The following DLGAP2 variants were observed in gnomAD, a reference collection of about 807,000 sequenced individuals.
DLGAP2 encodes the protein DLG associated protein 2.
In DLGAP2, 26 loss-of-function variants were observed where a neutral mutation model predicts 100.3. The ratio of observed to expected loss-of-function variants is 0.26; its 90% CI spans 0.19 to 0.36. The LOEUF (loss-of-function observed/expected upper bound fraction) is 0.36, where lower values mean the gene tolerates loss of function less well. Among genes scored for constraint, DLGAP2 ranks in the 10% least tolerant of loss-of-function variants. The pLI, the probability that DLGAP2 is intolerant of heterozygous loss-of-function variation, is 1.00. For missense variants in DLGAP2, 1,858 were observed against 1,453.2 expected, an observed-to-expected ratio of 1.28 and a Z score of -4.53; for synonymous variants, 886 against 630.1, an observed-to-expected ratio of 1.41 and a Z score of -6.08.
intron 5 of DLGAP2, among the ~76,000 whole-genome samples, chr8:1,550,346 A>G (rs994316363): frequency 1.3e-5 from 2 of 152,192 alleles, no homozygotes; most frequent in Admixed American, 1.3e-4. Context: ...GGCAGCTCTC[A>G]TGCGTGAGTC....
chr8:850,428 A>C (rs1275622010), intron 1 of DLGAP2, among the ~76,000 whole-genome samples: 1 of 152,238 alleles, frequency 6.6e-6, no homozygotes, highest in Non-Finnish European at 1.5e-5. Context: ...TAAGAAAAAA[A>C]ATCATCAAAT....
At chr8:1,039,916 G>C (rs1442758887) in intron 2 of DLGAP2, among the ~76,000 whole-genome samples, 1 of 149,568 alleles carries the variant, frequency 6.7e-6, no homozygotes, top group East Asian at 2.0e-4. Flanking sequence ...CGGTGTGCGT[G>C]GTCAGCTCGG....
chr8:1,159,917 C>T (rs1481903749), intron 2 of DLGAP2, among the ~76,000 whole-genome samples: 1 of 152,164 alleles, frequency 6.6e-6, no homozygotes, highest in Non-Finnish European at 1.5e-5. Flanking sequence ...GAATGCTGCT[C>T]CCACCTCCCT....
intron 2 of DLGAP2, among the ~76,000 whole-genome samples, chr8:986,716 A>G (rs138377464): frequency 5.0e-4 from 75 of 150,934 alleles, no homozygotes; most frequent in African/African-American, 1.7e-3. Flanking sequence ...CTGGAGTGCA[A>G]TGATGCAATC....
intron 1 of DLGAP2, among the ~76,000 whole-genome samples, chr8:847,621 C>G (rs144109083): frequency 3.5e-4 from 53 of 152,282 alleles, no homozygotes; most frequent in African/African-American, 1.2e-3. Context: ...GTTCTCCCAC[C>G]TCAGCCTCCA....
At chr8:1,220,525 A>T (rs948946512) in intron 2 of DLGAP2, among the ~76,000 whole-genome samples, 1 of 152,108 alleles carries the variant, frequency 6.6e-6, no homozygotes, top group Non-Finnish European at 1.5e-5. Flanking sequence ...ATGGCCAAGG[A>T]TGTTATCAAT....
At chr8:1,535,059 C>T (rs1801111468) in intron 4 of DLGAP2, among the ~76,000 whole-genome samples, 1 of 152,204 alleles carries the variant, frequency 6.6e-6, no homozygotes, top group South Asian at 2.1e-4. Flanking sequence ...AGGGCAGGCA[C>T]CCGGAGCCAC....
At chr8:1,215,241 T>C (rs1425848777) in intron 2 of DLGAP2, among the ~76,000 whole-genome samples, 6 of 152,206 alleles carry the variant, frequency 3.9e-5, no homozygotes, top group Non-Finnish European at 7.3e-5. Flanking sequence ...AATTTGTGAG[T>C]AGGAGAAGAG....
In DLGAP2 at chr8:1,549,381, C is replaced by T. The variant is rs766677070; in HGVS notation, c.928C>T (p.Arg310Trp). The change falls in exon 5 of 15, where the codon CGG (arginine) becomes TGG (tryptophan). Residue 310 changes from arginine to tryptophan, a missense_variant. Coordinates refer to ENST00000637795, the MANE Select transcript of DLGAP2 (RefSeq NM_001346810.2). ...DDNLDSDSTY[R>W]TPSVLNRHHL... ...CAACCTGGACAGCGACAGCACCTATCGGACGCCCAGCGTGCTCAACCGGCA... is the reference window on the plus strand; with the variant it reads ...CAACCTGGACAGCGACAGCACCTATTGGACGCCCAGCGTGCTCAACCGGCA... 4 of 1,613,496 alleles carry T rather than the reference C, an allele frequency of 2.5e-6. No homozygotes were observed. The highest frequency in any genetic ancestry group is 1.3e-5 in the African/African-American group (1 of 75,066).
chr8:1,328,442 C>A (rs1248302616), intron 3 of DLGAP2, among the ~76,000 whole-genome samples: 1 of 152,186 alleles, frequency 6.6e-6, no homozygotes, highest in Non-Finnish European at 1.5e-5. Flanking sequence ...CCTCAGCCTC[C>A]CGAGTAGCGG....
intron 2 of DLGAP2, among the ~76,000 whole-genome samples, chr8:962,346 A>G (rs908143062): frequency 1.3e-5 from 2 of 152,196 alleles, no homozygotes; most frequent in South Asian, 2.1e-4. Flanking sequence ...TACCCTCATC[A>G]GTGCCATCCG....
intron 4 of DLGAP2, among the ~76,000 whole-genome samples, chr8:1,506,663 A>T (rs1008888032): frequency 3.3e-5 from 5 of 152,216 alleles, no homozygotes; most frequent in African/African-American, 1.2e-4. Flanking sequence ...GGCCCCACCC[A>T]CATCCTGCTG....
chr8:1,519,857 G>T (rs1800526341), intron 4 of DLGAP2, among the ~76,000 whole-genome samples: 1 of 152,256 alleles, frequency 6.6e-6, no homozygotes, highest in Non-Finnish European at 1.5e-5. Context: ...GCTTCCTTTG[G>T]GGGCACAGAG....
At chr8:1,551,210 C>A (rs369495479) in intron 5 of DLGAP2, among the ~76,000 whole-genome samples, 31 of 152,296 alleles carry the variant, frequency 2.0e-4, no homozygotes, top group African/African-American at 7.2e-4. Flanking sequence ...TTTTGTTTGC[C>A]GTCGGCAAAC....
At chr8:906,253 A>C (rs1798378140) in intron 1 of DLGAP2, among the ~76,000 whole-genome samples, 1 of 152,244 alleles carries the variant, frequency 6.6e-6, no homozygotes, top group African/African-American at 2.4e-5. Flanking sequence ...ACGTTGGCAC[A>C]GAAAAGTATT....
intron 3 of DLGAP2, among the ~76,000 whole-genome samples, chr8:1,422,050 C>G (rs1042266093): frequency 6.6e-6 from 1 of 151,948 alleles, no homozygotes; most frequent in African/African-American, 2.4e-5. Flanking sequence ...GAGCATCTAA[C>G]ACACGCTAGG....
intron 2 of DLGAP2, among the ~76,000 whole-genome samples, chr8:967,266 G>T (rs1799894893): frequency 6.6e-6 from 1 of 152,162 alleles, no homozygotes; most frequent in South Asian, 2.1e-4. Flanking sequence ...CCTAAAGTTT[G>T]TTCTAGTTTG....
chr8:1,694,042 G>C (rs1379265504), intron 13 of DLGAP2, among the ~76,000 whole-genome samples: 1 of 152,200 alleles, frequency 6.6e-6, no homozygotes, highest in African/African-American at 2.4e-5. Context: ...TGCATATTCA[G>C]ACCTGCTAAA....
chr8:1,372,620 C>T (rs950385774), intron 3 of DLGAP2, among the ~76,000 whole-genome samples: 5 of 152,130 alleles, frequency 3.3e-5, no homozygotes, highest in South Asian at 2.1e-4. Flanking sequence ...GACTTTAAGC[C>T]GCTCTCCAGA....
Sources: allele counts gnomAD v4.1 joint callset (sites outside exome capture counted in the v4.1 genomes callset), GRCh38; gene constraint gnomAD v4.1.1; transcripts MANE v1.5; gene names NCBI Gene and HGNC (gene_info 2026-07-23, HGNC 2026-07-21).